The following MACROD2 variants were observed in gnomAD, a reference collection of about 807,000 sequenced individuals.
MACROD2 encodes the protein ADP-ribose glycohydrolase MACROD2.
A neutral mutation model predicts 70.4 loss-of-function variants in MACROD2; 36 were observed. That is an observed-to-expected ratio of 0.51 (90% CI 0.39 to 0.68). The LOEUF (loss-of-function observed/expected upper bound fraction) is 0.68, where lower values mean the gene tolerates loss of function less well. MACROD2 is among the 30% of genes least tolerant of loss of function. The probability of loss-of-function intolerance (pLI) is 0.00; values close to 1 mark genes in which losing one functional copy is unlikely to be tolerated. For synonymous variants in MACROD2, 172 were observed against 178.8 expected, an observed-to-expected ratio of 0.96 and a Z score of 0.30; for missense variants, 496 against 538.4, an observed-to-expected ratio of 0.92 and a Z score of 0.78.
chr20:14,370,299 TA>T (rs1329823739), intron 3 of MACROD2, among the ~76,000 whole-genome samples: 1 of 152,108 alleles, frequency 6.6e-6, no homozygotes, highest in Non-Finnish European at 1.5e-5. Flanking sequence ...TTAATAAATA[TA>T]AAAAAGCATT....
Position 15,041,249 on chromosome 20 carries a change from C to T in MACROD2, c.419-188691C>T, listed in dbSNP as rs1035103160. Reference sequence around the variant, plus strand: ...GCGTGACAAATTTTTGTTTGTAATACAGTTCCCAGTCATTGGAAGGGGACA... The same window carrying T: ...GCGTGACAAATTTTTGTTTGTAATATAGTTCCCAGTCATTGGAAGGGGACA... On this transcript the variant is annotated intron_variant, in intron 5 of 17. Coordinates refer to ENST00000684519, the MANE Select transcript of MACROD2 (RefSeq NM_001351661.2). Among the ~76,000 whole-genome samples the T allele has an allele frequency of 3.3e-5, 5 of 152,242 alleles. No homozygotes were observed. In the South Asian group the frequency reaches 1.0e-3, roughly 32 times the overall value.
intron 2 of MACROD2, among the ~76,000 whole-genome samples, chr20:14,026,708 G>T (rs1360368603): frequency 6.6e-6 from 1 of 152,194 alleles, no homozygotes; most frequent in Non-Finnish European, 1.5e-5. Context: ...TCTGCAGAGA[G>T]ATCTGCTGTT....
chr20:15,795,541 G>A (rs1028863235), intron 8 of MACROD2, among the ~76,000 whole-genome samples: 1 of 152,146 alleles, frequency 6.6e-6, no homozygotes, highest in South Asian at 2.1e-4. Context: ...AATGCCAGCC[G>A]GGAATCATTT....
At chr20:14,753,959 G>T (rs1486202937) in intron 5 of MACROD2, among the ~76,000 whole-genome samples, 2 of 152,028 alleles carry the variant, frequency 1.3e-5, no homozygotes, top group Non-Finnish European at 2.9e-5. Flanking sequence ...GGCAAAAATA[G>T]ATGAGTGTTC....
chr20:15,848,088 G>C (rs1300279662), intron 8 of MACROD2, among the ~76,000 whole-genome samples: 1 of 152,034 alleles, frequency 6.6e-6, no homozygotes, highest in African/African-American at 2.4e-5. Flanking sequence ...AATAAATGTT[G>C]TTTTAAAACA....
rs1000400811 is a variant in MACROD2 at position 15,368,773 on chromosome 20, CT to C, written c.541-62623del. Among the ~76,000 whole-genome samples, 4 of 151,450 alleles carry C rather than the reference CT, an allele frequency of 2.6e-5. No homozygotes were observed. The East Asian group carries it at 5.8e-4, about 22-fold the overall frequency. ...CCACCACGCCCGGCCCAATCACAAA[CT>C]TTTTTTTTAATAGAGATACAGTCTT... On this transcript the variant is annotated intron_variant, in intron 6 of 17. Coordinates refer to ENST00000684519, the MANE Select transcript of MACROD2 (RefSeq NM_001351661.2).
chr20:15,348,543 A>C (rs555192656), intron 6 of MACROD2, among the ~76,000 whole-genome samples: 2 of 152,324 alleles, frequency 1.3e-5, no homozygotes, highest in South Asian at 2.1e-4. Flanking sequence ...CTGCTAATAA[A>C]GACGTACTCA....
At chr20:15,493,258 C>G (rs1030518640) in intron 7 of MACROD2, among the ~76,000 whole-genome samples, 1 of 152,104 alleles carries the variant, frequency 6.6e-6, no homozygotes, top group African/African-American at 2.4e-5. Context: ...GGGATGTTGA[C>G]GGAAGCCCTG....
intron 3 of MACROD2, among the ~76,000 whole-genome samples, chr20:14,221,839 A>G (rs1027698244): frequency 5.9e-5 from 9 of 152,226 alleles, no homozygotes; most frequent in African/African-American, 2.2e-4. Flanking sequence ...ACATTTTTCA[A>G]AAGCAGACAT....
chr20:15,970,069 A>G (rs916342406), intron 13 of MACROD2, among the ~76,000 whole-genome samples: 3 of 152,130 alleles, frequency 2.0e-5, no homozygotes, highest in African/African-American at 7.2e-5. Flanking sequence ...TGTATAATGA[A>G]AATAAGAAGA....
At chr20:14,198,863 G>A (rs2081455571) in intron 3 of MACROD2, among the ~76,000 whole-genome samples, 2 of 152,156 alleles carry the variant, frequency 1.3e-5, no homozygotes, top group South Asian at 4.1e-4. Flanking sequence ...CAGTGATGGG[G>A]ATTGCTGACC....
chr20:14,061,093 A>C (rs2148655588), intron 2 of MACROD2, among the ~76,000 whole-genome samples: 1 of 152,254 alleles, frequency 6.6e-6, no homozygotes. Flanking sequence ...ACACCATAGA[A>C]GTATAAACAA....
intron 17 of MACROD2, 97 bp downstream of exon 17, chr20:16,044,736 C>A: frequency 9.3e-7 from 1 of 1,080,750 alleles, no homozygotes; most frequent in South Asian, 1.3e-5. Flanking sequence ...TGCCAAGTCC[C>A]CACAGCATGG....
At chr20:15,231,583 G>T (rs1601267930) in intron 6 of MACROD2, among the ~76,000 whole-genome samples, 1 of 106,634 alleles carries the variant, frequency 9.4e-6, no homozygotes, top group Admixed American at 8.8e-5. Context: ...CCAAGAAAAA[G>T]TAAGAAGTAA....
intron 8 of MACROD2, among the ~76,000 whole-genome samples, chr20:15,577,647 G>T (rs560768259): frequency 1.4e-5 from 2 of 148,118 alleles, no homozygotes; most frequent in Admixed American, 6.8e-5. Flanking sequence ...TACTCCCTGC[G>T]TGCGTACATA....
At chr20:14,606,164 A>G (rs914866034) in intron 4 of MACROD2, among the ~76,000 whole-genome samples, 1 of 152,194 alleles carries the variant, frequency 6.6e-6, no homozygotes, top group African/African-American at 2.4e-5. Flanking sequence ...AACTGTCATT[A>G]TCTTTTCTAT....
At chr20:16,006,850 A>G (rs2066795701) in intron 15 of MACROD2, among the ~76,000 whole-genome samples, 1 of 152,156 alleles carries the variant, frequency 6.6e-6, no homozygotes, top group Admixed American at 6.5e-5. Context: ...TTTCAAATAA[A>G]AGGAACCAAT....
At chr20:15,762,390 T>G (rs911790881) in intron 8 of MACROD2, among the ~76,000 whole-genome samples, 2 of 152,208 alleles carry the variant, frequency 1.3e-5, no homozygotes, top group African/African-American at 4.8e-5. Context: ...CTTGTGCTAC[T>G]GTTATTTCTT....
At chr20:15,461,067 G>A (rs967357951) in intron 7 of MACROD2, among the ~76,000 whole-genome samples, 1 of 144,430 alleles carries the variant, frequency 6.9e-6, no homozygotes, top group East Asian at 2.0e-4. Context: ...TGAGCTATGA[G>A]CATGACCATA....
Sources: gnomAD v4.1 joint callset for allele counts (sites outside exome capture counted in the v4.1 genomes callset) on GRCh38, gnomAD v4.1.1 for gene constraint, MANE v1.5 for transcripts, NCBI Gene and HGNC (gene_info 2026-07-23, HGNC 2026-07-21) for gene names.